RABGAP1L: variants seen among roughly 807,000 people sequenced by gnomAD.
RABGAP1L encodes the protein rab GTPase-activating protein 1-like.
A neutral mutation model predicts 137.7 loss-of-function variants in RABGAP1L; 63 were observed. The observed-to-expected ratio is 0.46, with a 90% CI of 0.37 to 0.56. RABGAP1L has a LOEUF of 0.56. RABGAP1L is among the 20% of genes least tolerant of loss of function. The pLI is 0.00. For synonymous variants in RABGAP1L, 431 were observed against 433.7 expected (o/e 0.99, Z 0.08); for missense variants, 1,095 against 1,244.0 (o/e 0.88, Z 1.80).
chr1:174,901,608 G>A (rs921177985), intron 19 of RABGAP1L, among the ~76,000 whole-genome samples: 1 of 152,102 alleles, frequency 6.6e-6, no homozygotes, highest in Non-Finnish European at 1.5e-5. Context: ...ACCATATCAG[G>A]TTACAACATG....
In RABGAP1L at chr1:174,241,514, G is replaced by A; in HGVS notation, c.574G>A (p.Ala192Thr). Reference sequence around the variant, plus strand: ...AGACCAATCCAGCAATGTGGAGATAGCATCTTTTCCAATCTATAAGGTGTT... The same window carrying A: ...AGACCAATCCAGCAATGTGGAGATAACATCTTTTCCAATCTATAAGGTGTT... ...IIDQSSNVEI[A>T]SFPIYKVLFC... The change falls in exon 5 of 26, where the codon GCA becomes ACA. Residue 192 changes from alanine to threonine, a missense_variant. By Grantham distance (58) the Ala-to-Thr change is moderately conservative (BLOSUM62 0). This residue lies in a region of RABGAP1L where 356 missense variants were observed against 326.3 expected (regional missense o/e 1.09). Coordinates refer to ENST00000681986, the MANE Select transcript of RABGAP1L (RefSeq NM_001366446.1). 6.2e-7 allele frequency: 1 copy of A among 1,604,860 alleles called. No individual in the cohort carries two copies. Among genetic ancestry groups the A allele is most frequent in the Non-Finnish European group, 8.5e-7 (1 of 1,175,780 alleles).
chr1:174,352,974 G>T (rs887520745), intron 11 of RABGAP1L, among the ~76,000 whole-genome samples: 1 of 152,110 alleles, frequency 6.6e-6, no homozygotes, highest in African/African-American at 2.4e-5. Context: ...TTTGGGGAGG[G>T]GTGACACAAC....
intron 15 of RABGAP1L, among the ~76,000 whole-genome samples, chr1:174,687,091 G>A (rs1389699313): frequency 6.6e-6 from 1 of 152,152 alleles, no homozygotes; most frequent in Non-Finnish European, 1.5e-5. Context: ...TTTGACAGAA[G>A]TTTGGGTCAA....
chr1:174,805,864 G>A (rs1344440500), intron 18 of RABGAP1L, among the ~76,000 whole-genome samples: 1 of 152,178 alleles, frequency 6.6e-6, no homozygotes, highest in East Asian at 1.9e-4. Flanking sequence ...AAGGAAACAT[G>A]CCTCTGCTTA....
At chr1:174,529,750 C>A (rs1422325099) in intron 13 of RABGAP1L, among the ~76,000 whole-genome samples, 2 of 152,080 alleles carry the variant, frequency 1.3e-5, no homozygotes, top group Non-Finnish European at 2.9e-5. Flanking sequence ...GGTTCCTGAG[C>A]AGTTTGCTTT....
intron 25 of RABGAP1L, 148 bp from the exon 26 acceptor site, chr1:174,989,701 T>C: frequency 1.3e-6 from 1 of 768,478 alleles, no homozygotes; most frequent in Non-Finnish European, 2.0e-6. Context: ...ATCCTTGTAC[T>C]AAGAAGCCAA....
At chr1:174,616,949 A>G (rs1671944323) in intron 13 of RABGAP1L, among the ~76,000 whole-genome samples, 1 of 152,210 alleles carries the variant, frequency 6.6e-6, no homozygotes. Flanking sequence ...TCCAGGAGAG[A>G]TAAAATAAAT....
chr1:174,729,301 C>T (rs899100863), intron 17 of RABGAP1L, among the ~76,000 whole-genome samples: 3 of 152,156 alleles, frequency 2.0e-5, no homozygotes, highest in Non-Finnish European at 4.4e-5. Context: ...TGGACCCCTA[C>T]CTGTCACCAT....
chr1:174,261,690 C>A (rs1247546340), intron 7 of RABGAP1L, among the ~76,000 whole-genome samples: 1 of 152,062 alleles, frequency 6.6e-6, no homozygotes, highest in Admixed American at 6.5e-5. Context: ...GATGTTAGAC[C>A]ATTCTGAGGG....
At chr1:174,779,999 G>C (rs764111198) in intron 18 of RABGAP1L, among the ~76,000 whole-genome samples, 3 of 151,716 alleles carry the variant, frequency 2.0e-5, no homozygotes, top group Non-Finnish European at 2.9e-5. Context: ...CCAGGAGGGG[G>C]AGATTGCAGT....
chr1:174,565,353 A>G (rs114202683), intron 13 of RABGAP1L, among the ~76,000 whole-genome samples: 3,212 of 152,282 alleles, frequency 0.021, 117 homozygotes, highest in African/African-American at 0.074. Context: ...GTACATTGAC[A>G]TACTATATCA....
intron 11 of RABGAP1L, among the ~76,000 whole-genome samples, chr1:174,338,541 G>GT (rs74513028): frequency 1.9e-3 from 271 of 139,150 alleles, no homozygotes; most frequent in Middle Eastern, 3.9e-3. Flanking sequence ...GAAATGTAGT[G>GT]TTTTTTTTTT....
intron 17 of RABGAP1L, among the ~76,000 whole-genome samples, chr1:174,735,350 T>G (rs1039329568): frequency 6.6e-6 from 1 of 151,934 alleles, no homozygotes; most frequent in African/African-American, 2.4e-5. Flanking sequence ...AATAGAAAGC[T>G]TCCCAGTTTC....
chr1:174,711,108 G>A (rs899986511), intron 17 of RABGAP1L, among the ~76,000 whole-genome samples: 27 of 152,152 alleles, frequency 1.8e-4, no homozygotes, highest in Non-Finnish European at 3.8e-4. Flanking sequence ...GTCTGGGGCC[G>A]GCAGGGCCAG....
At chr1:174,777,256 T>A (rs529991507) in intron 18 of RABGAP1L, among the ~76,000 whole-genome samples, 6 of 152,346 alleles carry the variant, frequency 3.9e-5, no homozygotes, top group Admixed American at 1.3e-4. Context: ...GCATCTCAGC[T>A]CCATGAGATC....
chr1:174,529,102 A>C (rs1054221050), intron 13 of RABGAP1L, among the ~76,000 whole-genome samples: 1 of 150,252 alleles, frequency 6.7e-6, no homozygotes, highest in Non-Finnish European at 1.5e-5. Context: ...GAGCTTCTTT[A>C]GAATTGATAA....
At chr1:174,706,160 A>G (rs1184380450) in intron 17 of RABGAP1L, among the ~76,000 whole-genome samples, 1 of 152,162 alleles carries the variant, frequency 6.6e-6, no homozygotes, top group Non-Finnish European at 1.5e-5. Context: ...TTCTTCATTC[A>G]TTCTGAGGTT....
rs141313795 is a variant in RABGAP1L, at chr1:174,472,270, A to G, written c.1710+78125A>G. 6.8e-4 allele frequency among the ~76,000 whole-genome samples: 103 copies of G among 152,340 alleles called. 1 individual carries two copies. Among genetic ancestry groups the G allele is most frequent in the African/African-American group, 2.3e-3 (95 of 41,578 alleles). On this transcript the variant is annotated intron_variant, in intron 13 of 25. Transcript: ENST00000681986. ...GAGTGTGGCATCAGGAAAGACAGCA[A>G]TGAGACAGGTATGGTGGGAAAGGAA...
At position 174,242,837 on chromosome 1, in the gene RABGAP1L, C is replaced by G. The variant is rs1056873599; in HGVS notation, c.717+1180C>G. 4 of 152,120 alleles carry G rather than the reference C, an allele frequency of 2.6e-5. No homozygotes were observed. The East Asian group carries it at 5.8e-4, about 22-fold the overall frequency. The allele number at this position is 152,120 out of a possible 1,614,324, so 9.4% of individuals were successfully genotyped here. On this transcript the variant is annotated intron_variant, in intron 5 of 25. Transcript: ENST00000681986. ...ATACTGACTTCTTGTTCAAAATGGT[C>G]TGATAGACAGGAGAGTGAATGAGTA...
Sources: allele counts gnomAD v4.1 joint callset (sites outside exome capture counted in the v4.1 genomes callset), GRCh38; gene constraint gnomAD v4.1.1; regional missense constraint gnomAD v4.1.1; transcripts MANE v1.5; gene names NCBI Gene and HGNC (gene_info 2026-07-23, HGNC 2026-07-21).